The following CAPZB variants were observed in gnomAD, a reference collection of about 807,000 sequenced individuals.
CAPZB encodes capping actin protein of muscle Z-line subunit beta.
In CAPZB, 2 loss-of-function variants were observed where a neutral mutation model predicts 38.1. That is an observed-to-expected ratio of 0.05 (90% CI 0.02 to 0.17). The LOEUF (loss-of-function observed/expected upper bound fraction) is 0.17. Ranked by LOEUF, CAPZB falls within the 10% of genes least tolerant of loss-of-function variation. The pLI is 1.00. For synonymous variants in CAPZB, 107 were observed against 127.4 expected (o/e 0.84, Z 1.08); for missense variants, 161 against 334.2 (o/e 0.48, Z 4.04).
At chr1:19,350,221 A>G (rs2093984364) in intron 6 of CAPZB, among the ~76,000 whole-genome samples, 1 of 152,216 alleles carries the variant, frequency 6.6e-6, no homozygotes, top group Non-Finnish European at 1.5e-5. Flanking sequence ...CATGGGCCCC[A>G]CTCACCGGCG....
At chr1:19,478,754 G>C (rs905653278) in intron 1 of CAPZB, among the ~76,000 whole-genome samples, 6 of 152,188 alleles carry the variant, frequency 3.9e-5, no homozygotes, top group Non-Finnish European at 8.8e-5. Context: ...CTGCTCAGTA[G>C]ACATCCACGG....
chr1:19,379,870 GA>G (rs1282464993), intron 3 of CAPZB, among the ~76,000 whole-genome samples: 16 of 152,194 alleles, frequency 1.1e-4, no homozygotes, highest in African/African-American at 3.9e-4. Flanking sequence ...AAAAGACAGA[GA>G]AGACAACATG....
intron 6 of CAPZB, among the ~76,000 whole-genome samples, chr1:19,347,931 G>A (rs1441901835): frequency 6.6e-6 from 1 of 152,216 alleles, no homozygotes; most frequent in Non-Finnish European, 1.5e-5. Context: ...GCAAATGCAA[G>A]CCAGATATTT....
At chr1:19,418,806 C>T (rs143025995) in intron 2 of CAPZB, among the ~76,000 whole-genome samples, 111 of 152,342 alleles carry the variant, frequency 7.3e-4, no homozygotes, top group African/African-American at 2.5e-3. Context: ...AAATAAATCA[C>T]TACAGCATAT....
chr1:19,464,020 C>A (rs1171636423), intron 1 of CAPZB, among the ~76,000 whole-genome samples: 108 of 124,412 alleles, frequency 8.7e-4, no homozygotes, highest in Non-Finnish European at 8.7e-4. Flanking sequence ...ACTAAAAATA[C>A]AAAAAAAAAA....
chr1:19,479,988 C>A (rs558203486), intron 1 of CAPZB, among the ~76,000 whole-genome samples: 1 of 152,302 alleles, frequency 6.6e-6, no homozygotes, highest in East Asian at 1.9e-4. Context: ...TGAGCACACT[C>A]TTCCCAGGCT....
chr1:19,431,597 T>C (rs2100580413), intron 1 of CAPZB, among the ~76,000 whole-genome samples: 1 of 152,054 alleles, frequency 6.6e-6, no homozygotes, highest in African/African-American at 2.4e-5. Context: ...GGCGGGCGCC[T>C]GTAGTCCCAG....
At chr1:19,434,673 G>A (rs2094452478) in intron 1 of CAPZB, among the ~76,000 whole-genome samples, 1 of 151,916 alleles carries the variant, frequency 6.6e-6, no homozygotes, top group South Asian at 2.1e-4. Context: ...CTCATGCCTG[G>A]AACCCCAGCA....
chr1:19,471,854 A>T (rs2094589282), intron 1 of CAPZB, among the ~76,000 whole-genome samples: 1 of 100,328 alleles, frequency 1.0e-5, no homozygotes, highest in Non-Finnish European at 2.0e-5. Context: ...AGACAAAGCG[A>T]GACTCCGTCT....
At chr1:19,355,837 C>A (rs569693976) in intron 6 of CAPZB, among the ~76,000 whole-genome samples, 1 of 152,306 alleles carries the variant, frequency 6.6e-6, no homozygotes, top group South Asian at 2.1e-4. Context: ...TTAAGGCCTT[C>A]TCTTGGGATG....
At chr1:19,389,643 G>T (rs1026483295) in intron 2 of CAPZB, among the ~76,000 whole-genome samples, 1 of 152,072 alleles carries the variant, frequency 6.6e-6, no homozygotes, top group Non-Finnish European at 1.5e-5. Context: ...AGCCAGGATG[G>T]TCTCTATCTC....
At chr1:19,346,065 T>C (rs1422070380) in intron 6 of CAPZB, among the ~76,000 whole-genome samples, 1 of 152,194 alleles carries the variant, frequency 6.6e-6, no homozygotes, top group African/African-American at 2.4e-5. Flanking sequence ...CCCCGAATTT[T>C]TTCTTATCTG....
At chr1:19,347,485 C>T (rs1438094145) in intron 6 of CAPZB, among the ~76,000 whole-genome samples, 1 of 152,140 alleles carries the variant, frequency 6.6e-6, no homozygotes, top group East Asian at 1.9e-4. Flanking sequence ...ATTTCCACAG[C>T]CCCCCACCCA....
At chr1:19,430,381 C>G (rs952160448) in intron 1 of CAPZB, among the ~76,000 whole-genome samples, 6 of 152,196 alleles carry the variant, frequency 3.9e-5, no homozygotes, top group African/African-American at 1.4e-4. Flanking sequence ...AGCTATACTT[C>G]CACTGTAGTT....
At chr1:19,410,956 T>C (rs1280829120) in intron 2 of CAPZB, among the ~76,000 whole-genome samples, 1 of 152,306 alleles carries the variant, frequency 6.6e-6, no homozygotes, top group Non-Finnish European at 1.5e-5. Context: ...CTTCACAGAA[T>C]GGCTATGAAG....
chr1:19,385,768 T>G, intron 2 of CAPZB, 142 bp from the exon 3 acceptor site: 4 of 936,790 alleles, frequency 4.3e-6, no homozygotes, highest in East Asian at 2.4e-5. Flanking sequence ...GGGCCTGTTC[T>G]TTTCTTTTCC....
At chr1:19,390,950 G>A (rs1337634623) in intron 2 of CAPZB, among the ~76,000 whole-genome samples, 2 of 152,170 alleles carry the variant, frequency 1.3e-5, no homozygotes, top group African/African-American at 4.8e-5. Flanking sequence ...AGGGGAAACA[G>A]GGCCTTAGAG....
At chr1:19,418,449 T>A (rs2094389394) in intron 2 of CAPZB, among the ~76,000 whole-genome samples, 1 of 150,966 alleles carries the variant, frequency 6.6e-6, no homozygotes, top group Admixed American at 6.6e-5. Flanking sequence ...AAATGTCGAC[T>A]GTCTGGCAGG....
At chr1:19,410,288 G>T (rs1570176354) in intron 2 of CAPZB, among the ~76,000 whole-genome samples, 1 of 152,212 alleles carries the variant, frequency 6.6e-6, no homozygotes, top group Non-Finnish European at 1.5e-5. Context: ...GAGCCCATTT[G>T]TAACAGCAAA....
Sources: gnomAD v4.1 joint callset for allele counts (sites outside exome capture counted in the v4.1 genomes callset) on GRCh38, gnomAD v4.1.1 for gene constraint, MANE v1.5 for transcripts, NCBI Gene and HGNC (gene_info 2026-07-23, HGNC 2026-07-21) for gene names.